Variants in RYR3 observed in about 807,000 individuals in gnomAD.
RYR3 encodes the protein ryanodine receptor 3, also known as brain ryanodine receptor-calcium release channel.
Under a neutral mutation model 584.3 loss-of-function variants are expected in RYR3, and 207 were observed. That is an observed-to-expected ratio of 0.35 (90% confidence interval 0.32 to 0.40). The LOEUF (loss-of-function observed/expected upper bound fraction) is 0.40. Ranked by LOEUF, RYR3 falls within the 10% of genes least tolerant of loss-of-function variation. The probability of loss-of-function intolerance (pLI) is 1.00; values close to 1 mark genes in which losing one functional copy is unlikely to be tolerated. For synonymous variants in RYR3, 2,416 were observed against 2,248.5 expected (o/e 1.07, Z -2.11); for missense variants, 5,616 against 6,089.2 (o/e 0.92, Z 2.59).
chr15:33,658,826 G>A (rs2062973463), intron 32 of RYR3, among the ~76,000 whole-genome samples: 1 of 152,196 alleles, frequency 6.6e-6, no homozygotes, highest in African/African-American at 2.4e-5. Context: ...CTAAGTGGCA[G>A]CTGCAGCACA....
intron 1 of RYR3, among the ~76,000 whole-genome samples, chr15:33,394,504 G>T (rs1420514434): frequency 6.6e-6 from 1 of 152,148 alleles, no homozygotes; most frequent in Non-Finnish European, 1.5e-5. Flanking sequence ...GGGAGCAAGG[G>T]GTATGGAACA....
At chr15:33,665,801 CTT>C (rs2063464285) in intron 36 of RYR3, among the ~76,000 whole-genome samples, 1 of 152,248 alleles carries the variant, frequency 6.6e-6, no homozygotes, top group Admixed American at 6.5e-5. Flanking sequence ...ATCCAAAAGA[CTT>C]TCTCATTTTA....
intron 82 of RYR3, 183 bp downstream of exon 82, chr15:33,825,859 A>C: frequency 1.9e-6 from 1 of 537,456 alleles, no homozygotes; most frequent in Non-Finnish European, 3.3e-6. Context: ...CATCCTCCCG[A>C]GTAGATGGGA....
intron 87 of RYR3, among the ~76,000 whole-genome samples, 197 bp downstream of exon 87, chr15:33,835,269 G>A (rs550005765): frequency 2.6e-5 from 4 of 152,286 alleles, no homozygotes; most frequent in African/African-American, 9.6e-5. Context: ...GTCCCAGACA[G>A]GCTTTTGCAT....
At chr15:33,853,512 GGTGGCGT>G (rs1234386049) in intron 95 of RYR3, 36 bp from the exon 96 acceptor site, 1 of 1,598,018 alleles carries the variant, frequency 6.3e-7, no homozygotes, top group Non-Finnish European at 8.6e-7. Flanking sequence ...AATATTTGGT[GGTGGCGT>G]GTGGCCTGAG....
chr15:33,729,653 G>A (rs776415041), intron 47 of RYR3, among the ~76,000 whole-genome samples: 51 of 152,168 alleles, frequency 3.4e-4, no homozygotes, highest in Middle Eastern at 3.4e-3. Flanking sequence ...AACATCAAGA[G>A]AGGAGGCCCC....
intron 1 of RYR3, among the ~76,000 whole-genome samples, chr15:33,432,989 T>A (rs1015784543): frequency 3.3e-5 from 5 of 151,750 alleles, no homozygotes; most frequent in African/African-American, 9.7e-5. Flanking sequence ...TGAATCAAAT[T>A]AGTTTATTGA....
In RYR3 at chr15:33,857,951, TGCGGGGC is replaced by T. The variant is rs1567344246; in HGVS notation, c.14142+38_14142+44del. ...CCCACTGCGGGGCCAGCCCACCCAC[TGCGGGGC>T]CACCCCGCCCCACCACCTCACTGGG... On this transcript the variant is annotated intron_variant, in intron 99 of 103. Transcript: ENST00000634891. 1.9e-5 allele frequency: 28 copies of T among 1,503,542 alleles called. No individual in the cohort carries two copies. In the African/African-American group the frequency reaches 4.6e-4, roughly 25 times the overall value. 93.1% of individuals were successfully genotyped at this position (1,503,542 alleles called of 1,614,324 possible).
At chr15:33,710,455 C>T (rs1486782039) in intron 43 of RYR3, among the ~76,000 whole-genome samples, 6 of 151,456 alleles carry the variant, frequency 4.0e-5, no homozygotes, top group Non-Finnish European at 8.8e-5. Flanking sequence ...GCAATCCTCC[C>T]TTCTCAGCCT....
chr15:33,788,506 T>C, intron 67 of RYR3, 48 bp downstream of exon 67: 1 of 1,594,866 alleles, frequency 6.3e-7, no homozygotes, highest in Non-Finnish European at 8.6e-7. Context: ...GTGGGGCTAG[T>C]TTAGGCAACA....
chr15:33,326,733 C>T (rs1215491739), intron 1 of RYR3, among the ~76,000 whole-genome samples: 3 of 151,776 alleles, frequency 2.0e-5, no homozygotes, highest in Non-Finnish European at 4.4e-5. Context: ...GGAGATAAGG[C>T]TGGAAAACTG....
In RYR3 at chr15:33,412,068, G is replaced by A. The variant is rs2043451995; in HGVS notation, c.52-61351G>A. On this transcript the variant is annotated intron_variant, in intron 1 of 103. Transcript: ENST00000634891. The surrounding 1 kb of genome is among the most constrained non-coding windows in gnomAD (Gnocchi z 4.3). ...TCCCAGTGTGTCAGCCACACCTGTT[G>A]CTGCCATTCAGTAGGCTACTTTGTG... 6.6e-6 allele frequency among the ~76,000 whole-genome samples: 1 copy of A among 152,146 alleles called. No individual in the cohort carries two copies. The highest frequency in any genetic ancestry group is 1.5e-5 in the Non-Finnish European group (1 of 68,032).
intron 1 of RYR3, among the ~76,000 whole-genome samples, chr15:33,335,314 G>T (rs1426215014): frequency 6.6e-6 from 1 of 152,192 alleles, no homozygotes; most frequent in African/African-American, 2.4e-5. Context: ...TAAAGAAAAT[G>T]CAGTACATAT....
chr15:33,552,693 TTG>T (rs1321348405), intron 10 of RYR3, among the ~76,000 whole-genome samples: 1 of 152,106 alleles, frequency 6.6e-6, no homozygotes, highest in Non-Finnish European at 1.5e-5. Flanking sequence ...CTTTGGGACG[TTG>T]TGTGGGCAGG....
At chr15:33,385,710 C>CTTTTTTTTTT (rs10682215) in intron 1 of RYR3, among the ~76,000 whole-genome samples, 13 of 131,396 alleles carry the variant, frequency 9.9e-5, no homozygotes, top group Non-Finnish European at 1.5e-4. Context: ...TTTTTCTTTT[C>CTTTTTTTTTT]TTTTTTTTTT....
At chr15:33,636,351 T>G in intron 26 of RYR3, 25 bp from the exon 27 acceptor site, 1 of 1,610,348 alleles carries the variant, frequency 6.2e-7, no homozygotes, top group Non-Finnish European at 8.5e-7. Flanking sequence ...TCCATTTCTC[T>G]AAGCCCTAGA....
At chr15:33,670,772 G>C (rs1221174042) in intron 38 of RYR3, among the ~76,000 whole-genome samples, 1 of 152,084 alleles carries the variant, frequency 6.6e-6, no homozygotes, top group Non-Finnish European at 1.5e-5. Context: ...TGAAACCTGA[G>C]ATGGGTTGCT....
chr15:33,512,553 C>T (rs1039211637), intron 3 of RYR3, among the ~76,000 whole-genome samples: 2 of 152,136 alleles, frequency 1.3e-5, no homozygotes, highest in Non-Finnish European at 2.9e-5. Context: ...GTTGTGAAGT[C>T]GGCACCTCAT....
intron 64 of RYR3, among the ~76,000 whole-genome samples, chr15:33,777,192 T>C (rs890160642): frequency 6.6e-6 from 1 of 152,188 alleles, no homozygotes; most frequent in Non-Finnish European, 1.5e-5. Context: ...TGTCTCTAAA[T>C]AAAGAGAGTT....
Sources: allele counts gnomAD v4.1 joint callset (sites outside exome capture counted in the v4.1 genomes callset), GRCh38; gene constraint gnomAD v4.1.1; non-coding constraint Gnocchi (gnomAD v3.1); transcripts MANE v1.5; gene names NCBI Gene and HGNC (gene_info 2026-07-23, HGNC 2026-07-21).